The following ADAMTS6 variants were observed in gnomAD, a reference collection of about 807,000 sequenced individuals.
ADAMTS6 encodes the protein ADAM metallopeptidase with thrombospondin type 1 motif 6, also known as A disintegrin and metalloproteinase with thrombospondin motifs 6.
ADAMTS6 carries 23 observed loss-of-function variants against 144.3 expected under a neutral mutation model. The ratio of observed to expected loss-of-function variants is 0.16; its 90% CI spans 0.11 to 0.23. The LOEUF (loss-of-function observed/expected upper bound fraction) is 0.23. Ranked by LOEUF, ADAMTS6 falls within the 10% of genes least tolerant of loss-of-function variation. The pLI is 1.00. For missense variants in ADAMTS6, 999 were observed against 1,379.6 expected (o/e 0.72, Z 4.37); for synonymous variants, 444 against 457.5 (o/e 0.97, Z 0.38).
intron 23 of ADAMTS6, among the ~76,000 whole-genome samples, chr5:65,172,417 A>AG (rs1753691101): frequency 6.6e-6 from 1 of 150,500 alleles, no homozygotes; most frequent in Non-Finnish European, 1.5e-5. Context: ...CCATCTCAAA[A>AG]GAAAAAAAAA....
At chr5:65,466,892 A>G (rs1194770930) in intron 3 of ADAMTS6, among the ~76,000 whole-genome samples, 6 of 152,156 alleles carry the variant, frequency 3.9e-5, no homozygotes, top group Admixed American at 6.5e-5. Flanking sequence ...AACACAAAAA[A>G]TTAGCCGGGC....
At chr5:65,273,754 C>T (rs572846662) in intron 11 of ADAMTS6, among the ~76,000 whole-genome samples, 2 of 151,962 alleles carry the variant, frequency 1.3e-5, no homozygotes, top group Admixed American at 1.3e-4. Context: ...AAAAAAATGA[C>T]TATGTAGAAA....
intron 2 of ADAMTS6, among the ~76,000 whole-genome samples, chr5:65,471,741 G>C (rs1209139192): frequency 6.6e-6 from 1 of 151,092 alleles, no homozygotes; most frequent in African/African-American, 2.4e-5. Flanking sequence ...CTGGGCGACA[G>C]AGCAAGACTC....
chr5:65,473,620 T>C lies in ADAMTS6; in HGVS notation c.54A>G (p.Ser18=), dbSNP rs1355842767. 6.2e-7 allele frequency: 1 copy of C among 1,613,734 alleles called. No individual in the cohort carries two copies. The highest frequency in any genetic ancestry group is 8.5e-7 in the Non-Finnish European group (1 of 1,179,778). The change falls in exon 2 of 25, where the codon TCA becomes TCG. Residue 18 remains serine (S), a synonymous_variant. Coordinates refer to ENST00000381055, the MANE Select transcript of ADAMTS6 (RefSeq NM_197941.4). ...LTWILSLIMA[S]SEFHSDHRLS... ...GCCTGTGGTCACTATGAAATTCCGA[T>C]GAAGCCATGATGAGGCTCAAAATCC...
chr5:65,429,132 T>C (rs1756790218), intron 7 of ADAMTS6, among the ~76,000 whole-genome samples: 1 of 152,202 alleles, frequency 6.6e-6, no homozygotes, highest in Non-Finnish European at 1.5e-5. Context: ...AAAACCTAAC[T>C]GACCTTTCCC....
At chr5:65,289,917 T>A (rs572818471) in intron 11 of ADAMTS6, among the ~76,000 whole-genome samples, 1 of 152,326 alleles carries the variant, frequency 6.6e-6, no homozygotes, top group East Asian at 1.9e-4. Context: ...ATAGAAAGAC[T>A]ATGATTAAAG....
chr5:65,452,984 T>C (rs2150251275), intron 4 of ADAMTS6, 66 bp from the exon 5 acceptor site: 3 of 1,227,220 alleles, frequency 2.4e-6, no homozygotes, highest in South Asian at 3.0e-5. Flanking sequence ...AGATCTTTCA[T>C]GTAGACATGC....
chr5:65,178,937 T>C (rs1021250181), intron 22 of ADAMTS6, among the ~76,000 whole-genome samples: 1 of 152,106 alleles, frequency 6.6e-6, no homozygotes. Flanking sequence ...ACTCAGTTTA[T>C]TCTAGCAGGC....
At chr5:65,338,911 G>C (rs1292249407) in intron 7 of ADAMTS6, among the ~76,000 whole-genome samples, 1 of 151,528 alleles carries the variant, frequency 6.6e-6, no homozygotes, top group Non-Finnish European at 1.5e-5. Flanking sequence ...TTACAGGCCT[G>C]AGAAATAGCC....
chr5:65,447,768 G>A (rs866025187), intron 7 of ADAMTS6, among the ~76,000 whole-genome samples: 1 of 151,146 alleles, frequency 6.6e-6, no homozygotes, highest in African/African-American at 2.4e-5. Context: ...TACTAATACT[G>A]ATATTTTAAC....
At chr5:65,159,568 T>C (rs1752628617) in intron 24 of ADAMTS6, among the ~76,000 whole-genome samples, 1 of 152,222 alleles carries the variant, frequency 6.6e-6, no homozygotes, top group Admixed American at 6.5e-5. Flanking sequence ...CTACCTTCCA[T>C]GTCCAGCTCA....
At chr5:65,195,639 G>T (rs1434219154) in intron 21 of ADAMTS6, among the ~76,000 whole-genome samples, 1 of 152,166 alleles carries the variant, frequency 6.6e-6, no homozygotes, top group Non-Finnish European at 1.5e-5. Context: ...TTGGGACATG[G>T]ATTATTTATG....
At chr5:65,415,226 A>G (rs969466435) in intron 7 of ADAMTS6, 1 of 152,374 alleles carries the variant, frequency 6.6e-6, no homozygotes, top group Non-Finnish European at 1.5e-5. Flanking sequence ...ATAAGCACAT[A>G]AAAAGATCGT....
intron 14 of ADAMTS6, among the ~76,000 whole-genome samples, chr5:65,247,158 T>A (rs1360789908): frequency 2.0e-5 from 3 of 152,074 alleles, no homozygotes; most frequent in African/African-American, 7.2e-5. Context: ...CCCACATAAA[T>A]CTGGAGAGCA....
intron 15 of ADAMTS6, among the ~76,000 whole-genome samples, chr5:65,236,879 T>C (rs1432898677): frequency 6.6e-6 from 1 of 151,678 alleles, no homozygotes; most frequent in African/African-American, 2.4e-5. Flanking sequence ...CAAAATTTGG[T>C]TCTTTGAAAA....
chr5:65,229,300 G>T (rs1372886510), intron 15 of ADAMTS6, among the ~76,000 whole-genome samples: 3 of 152,082 alleles, frequency 2.0e-5, no homozygotes, highest in Non-Finnish European at 4.4e-5. Context: ...ATCTTTAACT[G>T]GGCTGTTTGG....
intron 7 of ADAMTS6, among the ~76,000 whole-genome samples, chr5:65,365,553 A>G (rs1363095929): frequency 6.6e-6 from 1 of 152,042 alleles, no homozygotes; most frequent in East Asian, 1.9e-4. Flanking sequence ...AGGCTGAGGC[A>G]AGAGAATCAC....
At chr5:65,389,975 T>G (rs1393558995) in intron 7 of ADAMTS6, among the ~76,000 whole-genome samples, 1 of 152,186 alleles carries the variant, frequency 6.6e-6, no homozygotes, top group Non-Finnish European at 1.5e-5. Context: ...AAGAGAACTC[T>G]CAAAGCCCAA....
At chr5:65,420,781 G>T (rs1049401068) in intron 7 of ADAMTS6, among the ~76,000 whole-genome samples, 6 of 150,960 alleles carry the variant, frequency 4.0e-5, no homozygotes, top group African/African-American at 1.5e-4. Flanking sequence ...GGTAGACTTA[G>T]AGTCAAATGG....
Sources: gnomAD v4.1 joint callset for allele counts (sites outside exome capture counted in the v4.1 genomes callset) on GRCh38, gnomAD v4.1.1 for gene constraint, MANE v1.5 for transcripts, NCBI Gene and HGNC (gene_info 2026-07-23, HGNC 2026-07-21) for gene names.